The following STC1 variants were observed in gnomAD, a reference collection of about 807,000 sequenced individuals.
STC1 encodes the protein stanniocalcin 1.
STC1 carries 7 observed loss-of-function variants against 22.6 expected under a neutral mutation model. The observed-to-expected ratio is 0.31, with a 90% CI of 0.18 to 0.58. The LOEUF is 0.58. Among genes scored for constraint, STC1 ranks in the 20% least tolerant of loss-of-function variants. The pLI is 0.89. For synonymous variants in STC1, 113 were observed against 120.7 expected (o/e 0.94, Z 0.42); for missense variants, 224 against 311.0 (o/e 0.72, Z 2.10).
chr8:23,853,607 G>A (rs1456944204), intron 1 of STC1, among the ~76,000 whole-genome samples: 1 of 152,178 alleles, frequency 6.6e-6, no homozygotes, highest in African/African-American at 2.4e-5. Flanking sequence ...ATTGGAAGGG[G>A]AACAAGTGGA....
rs1264721358 is a variant in STC1, at chr8:23,854,661, TTTG to T, written c.-141_-139del. 9.6e-6 allele frequency: 8 copies of T among 834,334 alleles called. No homozygotes were observed. Among genetic ancestry groups the T allele is most frequent in the Admixed American group, 3.7e-5 (2 of 54,492 alleles). The allele number at this position is 834,334 out of a possible 1,614,324, so 51.7% of individuals were successfully genotyped here. Reference sequence around the variant, plus strand: ...GGTGAGGATTTGATGAGGATTTTTTTTTGTTGTTGTTGCTGGTGATGCTGCTGC... The same window carrying T: ...GGTGAGGATTTGATGAGGATTTTTTTTTGTTGTTGCTGGTGATGCTGCTGC... On this transcript the variant is annotated 5_prime_UTR_variant, in exon 1 of 4. Coordinates refer to ENST00000290271, the MANE Select transcript of STC1 (RefSeq NM_003155.3).
At chr8:23,853,139 T>C (rs73553083) in intron 1 of STC1, among the ~76,000 whole-genome samples, 478 of 152,354 alleles carry the variant, frequency 3.1e-3, no homozygotes, top group African/African-American at 0.011. Context: ...AAAACTTGCA[T>C]GAGGCTTTCT....
In STC1 at chr8:23,843,350, C is replaced by G. The variant is rs542672434; in HGVS notation, c.*1420G>C. ...TTTTTACGATCCTACAGAGATGGTC[C>G]AGCTGCCAGGACTACTTTGGCAGGC... On this transcript the variant is annotated 3_prime_UTR_variant, in exon 4 of 4. Transcript: ENST00000290271. The G allele has an allele frequency of 6.6e-6, 1 of 152,104 alleles. No individual in the cohort carries two copies. The highest frequency in any genetic ancestry group is 6.6e-5 in the Admixed American group (1 of 15,246). The allele number at this position is 152,104 out of a possible 1,614,324, so 9.4% of individuals were successfully genotyped here. A position where few individuals can be genotyped will look rare whatever the true frequency, so the allele number is the denominator to read the frequency against.
intron 3 of STC1, 72 bp downstream of exon 3, chr8:23,851,248 C>G (rs1802634258): frequency 6.8e-7 from 1 of 1,471,812 alleles, no homozygotes; most frequent in African/African-American, 1.4e-5. Context: ...AACCCTCCCT[C>G]CCAGTCTGGC....
chr8:23,853,940 G>T, intron 1 of STC1: 1 of 831,082 alleles, frequency 1.2e-6, no homozygotes, highest in Non-Finnish European at 1.5e-6. Flanking sequence ...TCAGTCTGAA[G>T]AGGGAGCTTT....
rs1480696354 is a variant in STC1, at chr8:23,854,705, CGCTGCTGCTGCTGCTGCCGCCGCT to C, written c.-206_-183del. Reference sequence around the variant, plus strand: ...ATGCTGCTGCTGCCACCGGTGCCTCCGCTGCTGCTGCTGCTGCCGCCGCTGCTGCTGCTGCTGCCACCGCCGCTG... The same window carrying C: ...ATGCTGCTGCTGCCACCGGTGCCTCCGCTGCTGCTGCTGCCACCGCCGCTG... On this transcript the variant is annotated 5_prime_UTR_variant, in exon 1 of 4. Coordinates refer to ENST00000290271, the MANE Select transcript of STC1 (RefSeq NM_003155.3). 27 of 693,998 alleles carry C rather than the reference CGCTGCTGCTGCTGCTGCCGCCGCT, an allele frequency of 3.9e-5. No homozygotes were observed. Among genetic ancestry groups the C allele is most frequent in the South Asian group, 1.2e-4 (8 of 66,724 alleles). The allele number at this position is 693,998 out of a possible 1,614,324, so 43.0% of individuals were successfully genotyped here. A position where few individuals can be genotyped will look rare whatever the true frequency, so the allele number is the denominator to read the frequency against.
intron 3 of STC1, among the ~76,000 whole-genome samples, chr8:23,847,719 G>C (rs1267110373): frequency 6.6e-6 from 1 of 152,226 alleles, no homozygotes; most frequent in Non-Finnish European, 1.5e-5. Context: ...GATTATTTAA[G>C]AGGTTGTGTC....
At chr8:23,854,319 T>A in intron 1 of STC1, 87 bp downstream of exon 1, 7 of 1,227,682 alleles carry the variant, frequency 5.7e-6, no homozygotes, top group South Asian at 4.9e-5. Context: ...ATTATCAAGA[T>A]CAGCCGTCAC....
Position 23,842,670 on chromosome 8 carries a change from G to C in STC1, c.*2100C>G, listed in dbSNP as rs1255560532. On this transcript the variant is annotated 3_prime_UTR_variant, in exon 4 of 4. Transcript: ENST00000290271. Reference sequence around the variant, plus strand: ...TGATTCAGAGAAGTCAGCCTTGCCTGGGGGTGGGAAGTGTGGGAGGGAGGG... The same window carrying C: ...TGATTCAGAGAAGTCAGCCTTGCCTCGGGGTGGGAAGTGTGGGAGGGAGGG... 6.6e-6 allele frequency: 1 copy of C among 152,468 alleles called. No homozygotes were observed. The highest frequency in any genetic ancestry group is 1.5e-5 in the Non-Finnish European group (1 of 68,056). The allele number at this position is 152,468 out of a possible 1,614,324, so 9.4% of individuals were successfully genotyped here.
chr8:23,853,970 A>C, intron 1 of STC1: 8 of 956,214 alleles, frequency 8.4e-6, no homozygotes, highest in Non-Finnish European at 7.5e-6. Context: ...TCTCTTAGGT[A>C]GAGAAGTCAA....
intron 1 of STC1, among the ~76,000 whole-genome samples, chr8:23,852,662 G>A (rs1802652069): frequency 6.6e-6 from 1 of 152,164 alleles, no homozygotes; most frequent in South Asian, 2.1e-4. Context: ...TTGGTGTCTG[G>A]AGAAGTGAGG....
chr8:23,854,677 G>A lies in STC1; in HGVS notation c.-154C>T, dbSNP rs1802678217. 1 of 777,928 alleles carries A rather than the reference G, an allele frequency of 1.3e-6. No homozygotes were observed. Among genetic ancestry groups the A allele is most frequent in the Admixed American group, 1.9e-5 (1 of 53,292 alleles). 48.2% of individuals were successfully genotyped at this position (777,928 alleles called of 1,614,324 possible). Reference sequence around the variant, plus strand: ...GGATTTTTTTTTGTTGTTGTTGCTGGTGATGCTGCTGCTGCCACCGGTGCC... The same window carrying A: ...GGATTTTTTTTTGTTGTTGTTGCTGATGATGCTGCTGCTGCCACCGGTGCC... On this transcript the variant is annotated 5_prime_UTR_variant, in exon 1 of 4. Transcript: ENST00000290271.
At chr8:23,850,530 A>G (rs1402542048) in intron 3 of STC1, among the ~76,000 whole-genome samples, 2 of 152,174 alleles carry the variant, frequency 1.3e-5, no homozygotes, top group Admixed American at 6.5e-5. Context: ...ACGCACATGA[A>G]CTGAGGATGC....
intron 3 of STC1, among the ~76,000 whole-genome samples, chr8:23,846,282 G>C (rs1007693928): frequency 6.6e-6 from 1 of 152,128 alleles, no homozygotes; most frequent in Non-Finnish European, 1.5e-5. Context: ...TCAATGACTT[G>C]TCCTGTTATT....
chr8:23,852,336 G>T lies in STC1; in HGVS notation c.167C>A (p.Ala56Asp). 6.2e-7 allele frequency: 1 copy of T among 1,613,534 alleles called. No homozygotes were observed. Among genetic ancestry groups the T allele is most frequent in the Non-Finnish European group, 8.5e-7 (1 of 1,179,718 alleles). The change falls in exon 2 of 4, where the codon GCT becomes GAT. Residue 56 changes from alanine (A) to aspartate (D), a missense_variant. Ala to Asp is a moderately radical substitution (Grantham distance 126). Transcript: ENST00000290271. ...GGTGGAGTTTTCCAGGCATGCAAAA[G>T]CCCCGCAGCCGACCTGTAGAGCACT... ...LNSALQVGCG[A>D]FACLENSTCD...
chr8:23,845,264 T>G (rs1802558873), intron 3 of STC1, among the ~76,000 whole-genome samples: 1 of 152,152 alleles, frequency 6.6e-6, no homozygotes, highest in Admixed American at 6.5e-5. Context: ...AAGACAGATC[T>G]TCATGTTTAG....
intron 3 of STC1, among the ~76,000 whole-genome samples, chr8:23,850,840 T>A (rs1802629486): frequency 6.6e-6 from 1 of 151,670 alleles, no homozygotes; most frequent in African/African-American, 2.4e-5. Flanking sequence ...CAGTGAAATC[T>A]CTGACTGTGT....
At chr8:23,852,493 C>T in intron 1 of STC1, 109 bp from the exon 2 acceptor site, 4 of 1,247,200 alleles carry the variant, frequency 3.2e-6, no homozygotes, top group Non-Finnish European at 3.3e-6. Context: ...AAGAACTTAT[C>T]CTAGGAATCT....
At position 23,844,490 on chromosome 8, in the gene STC1, G is replaced by T; in HGVS notation, c.*280C>A. 1 of 456,708 alleles carries T rather than the reference G, an allele frequency of 2.2e-6. No individual in the cohort carries two copies. The highest frequency in any genetic ancestry group is 4.0e-6 in the Non-Finnish European group (1 of 251,946). The allele number at this position is 456,708 out of a possible 1,614,324, so 28.3% of individuals were successfully genotyped here. A position where few individuals can be genotyped will look rare whatever the true frequency, so the allele number is the denominator to read the frequency against. ...TTTGTGTTTGGGGGTGGTCTCAGGG[G>T]AGCAGGGGAAAAACATGGCAGAGGA... On this transcript the variant is annotated 3_prime_UTR_variant, in exon 4 of 4. Coordinates refer to ENST00000290271, the MANE Select transcript of STC1 (RefSeq NM_003155.3).
Sources: gnomAD v4.1 joint callset for allele counts (sites outside exome capture counted in the v4.1 genomes callset) on GRCh38, gnomAD v4.1.1 for gene constraint, MANE v1.5 for transcripts, NCBI Gene and HGNC (gene_info 2026-07-23, HGNC 2026-07-21) for gene names.